The following RAB27A variants were observed in gnomAD, a reference collection of about 807,000 sequenced individuals.
RAB27A encodes ras-related protein Rab-27A.
RAB27A carries 17 observed loss-of-function variants against 20.8 expected under a neutral mutation model. The ratio of observed to expected loss-of-function variants is 0.82; its 90% CI spans 0.56 to 1.23. The LOEUF (loss-of-function observed/expected upper bound fraction) is 1.23. Ranked by LOEUF, RAB27A falls within the 50% of genes most tolerant of loss-of-function variation. RAB27A has a pLI of 0.00. For synonymous variants in RAB27A, 85 were observed against 92.8 expected, an observed-to-expected ratio of 0.92 and a Z score of 0.48; for missense variants, 277 against 266.7, an observed-to-expected ratio of 1.04 and a Z score of -0.27.
At chr15:55,312,145 A>G (rs984234259) in intron 2 of RAB27A, among the ~76,000 whole-genome samples, 2 of 152,238 alleles carry the variant, frequency 1.3e-5, no homozygotes, top group Non-Finnish European at 2.9e-5. Flanking sequence ...CAGTCCGATC[A>G]GGAGTGGCAA....
chr15:55,241,600 TTA>T (rs58693379), intron 2 of RAB27A, among the ~76,000 whole-genome samples: 36,650 of 123,730 alleles, frequency 0.3, 5,996 homozygotes, highest in East Asian at 0.51. Context: ...CAAGACCTAT[TTA>T]TATATATATA....
intron 2 of RAB27A, among the ~76,000 whole-genome samples, chr15:55,259,303 C>T (rs1897192804): frequency 6.9e-6 from 1 of 145,514 alleles, no homozygotes; most frequent in African/African-American, 2.5e-5. Flanking sequence ...AAGAAAGTCT[C>T]TTTTTTTTTT....
At chr15:55,306,625 A>G (rs181456754) in intron 2 of RAB27A, among the ~76,000 whole-genome samples, 2 of 152,352 alleles carry the variant, frequency 1.3e-5, no homozygotes, top group Admixed American at 1.3e-4. Context: ...TCCCTGTCCA[A>G]TAATGAGTAT....
chr15:55,234,566 C>G (rs1373749331), intron 3 of RAB27A, among the ~76,000 whole-genome samples: 1 of 152,190 alleles, frequency 6.6e-6, no homozygotes, highest in Non-Finnish European at 1.5e-5. Context: ...TTTTAAAGAA[C>G]TGTCCACTTC....
rs533326271 is a variant in RAB27A at position 55,313,219 on chromosome 15, C to G, written c.-112+820G>C. 2.8e-4 allele frequency among the ~76,000 whole-genome samples: 43 copies of G among 152,296 alleles called. 1 individual carries two copies. The highest frequency in any genetic ancestry group is 7.5e-4 in the African/African-American group (31 of 41,572). On this transcript the variant is annotated intron_variant, in intron 2 of 5. Coordinates refer to the RAB27A transcript ENST00000563262. The stretch of plus-strand genomic sequence containing the variant: ...TCGCTTGAGTCCAGGGGATTAAGAC[C>G]AGACTAGGCCACAGAGTGAGACCCC...
intron 1 of RAB27A, among the ~76,000 whole-genome samples, chr15:55,280,411 C>T (rs1897984294): frequency 6.6e-6 from 1 of 151,686 alleles, no homozygotes; most frequent in African/African-American, 2.4e-5. Flanking sequence ...TAAAATAAAA[C>T]ATAGATTCCC....
upstream of RAB27A, among the ~76,000 whole-genome samples, chr15:55,293,841 C>T (rs1022617327): frequency 1.1e-4 from 16 of 151,896 alleles, no homozygotes; most frequent in African/African-American, 3.4e-4. Context: ...TGCTTGAACC[C>T]GGGAGGTGGA....
intron 1 of RAB27A, among the ~76,000 whole-genome samples, chr15:55,288,483 C>T (rs960570146): frequency 4.0e-5 from 6 of 151,850 alleles, no homozygotes; most frequent in African/African-American, 7.3e-5. Flanking sequence ...ATCATGCCAC[C>T]GCATTCCTAC....
chr15:55,209,657 G>C (rs531308035), intron 6 of RAB27A, among the ~76,000 whole-genome samples: 1 of 147,122 alleles, frequency 6.8e-6, no homozygotes, highest in African/African-American at 2.5e-5. Context: ...TATATCTTTT[G>C]GGATATATAT....
chr15:55,226,509 T>C (rs1895800834), intron 5 of RAB27A, among the ~76,000 whole-genome samples: 1 of 148,758 alleles, frequency 6.7e-6, no homozygotes, highest in Non-Finnish European at 1.5e-5. Flanking sequence ...TTTTATGTAT[T>C]TGTGTGTGTG....
chr15:55,316,827 CA>C (rs1566943162), intron 1 of RAB27A, among the ~76,000 whole-genome samples: 1 of 152,138 alleles, frequency 6.6e-6, no homozygotes, highest in Admixed American at 6.5e-5. Flanking sequence ...TGATCTGAGC[CA>C]TCCCAACTCT....
chr15:55,262,640 T>G (rs1208580304), intron 2 of RAB27A, among the ~76,000 whole-genome samples: 12 of 106,040 alleles, frequency 1.1e-4, no homozygotes, highest in Non-Finnish European at 2.1e-4. Flanking sequence ...TCTTTTTTTT[T>G]GTTTTTTTTT....
chr15:55,262,101 T>C (rs1183132432), intron 2 of RAB27A, among the ~76,000 whole-genome samples: 3 of 152,192 alleles, frequency 2.0e-5, no homozygotes, highest in Non-Finnish European at 4.4e-5. Context: ...TTTCAACTTA[T>C]TGATACTTTG....
In RAB27A at chr15:55,309,939, G is replaced by A. The variant is rs191321579; in HGVS notation, c.-112+4100C>T. On this transcript the variant is annotated intron_variant, in intron 2 of 5. Transcript: ENST00000563262. ...CTAAGGGGGTACTGCCTTTGGTAGG[G>A]AAAGGAGGCAGAATCCTTTAGTTTA... is the stretch of plus-strand genomic sequence containing the variant. 1.9e-3 allele frequency among the ~76,000 whole-genome samples: 295 copies of A among 152,098 alleles called. 2 individuals are homozygous for A. Among genetic ancestry groups the A allele is most frequent in the African/African-American group, 7.0e-3 (289 of 41,470 alleles).
intron 2 of RAB27A, among the ~76,000 whole-genome samples, chr15:55,303,093 GC>G (rs1033073378): frequency 2.9e-5 from 4 of 135,904 alleles, no homozygotes; most frequent in Non-Finnish European, 4.8e-5. Flanking sequence ...GGGGGGGTCA[GC>G]CCCCCGCCTG....
intron 1 of RAB27A, among the ~76,000 whole-genome samples, chr15:55,281,970 A>G (rs942670236): frequency 1.3e-5 from 2 of 152,088 alleles, no homozygotes; most frequent in Non-Finnish European, 2.9e-5. Context: ...TTGTGTGAAG[A>G]ATGGGCTATG....
At chr15:55,245,958 C>T (rs1205818502) in intron 2 of RAB27A, among the ~76,000 whole-genome samples, 1 of 152,078 alleles carries the variant, frequency 6.6e-6, no homozygotes, top group Non-Finnish European at 1.5e-5. Context: ...AAACAATTAG[C>T]CTGTAGTCCC....
chr15:55,255,017 TC>T (rs1016678774), intron 2 of RAB27A, among the ~76,000 whole-genome samples: 1 of 152,260 alleles, frequency 6.6e-6, no homozygotes, highest in African/African-American at 2.4e-5. Context: ...AGCAAGTTGC[TC>T]ATCACTACAC....
chr15:55,313,300 C>T (rs1259662654), intron 2 of RAB27A, among the ~76,000 whole-genome samples: 2 of 151,960 alleles, frequency 1.3e-5, no homozygotes, highest in Non-Finnish European at 2.9e-5. Flanking sequence ...CAACTATAGT[C>T]GATGAGACGA....
Sources: gnomAD v4.1 joint callset for allele counts (sites outside exome capture counted in the v4.1 genomes callset) on GRCh38, gnomAD v4.1.1 for gene constraint, MANE v1.5 for transcripts, NCBI Gene and HGNC (gene_info 2026-07-23, HGNC 2026-07-21) for gene names.